GUCY2F: variants seen among roughly 807,000 people sequenced by gnomAD.
GUCY2F encodes the protein retinal guanylyl cyclase 2.
GUCY2F carries 61 observed loss-of-function variants against 73.1 expected under a neutral mutation model. The observed-to-expected ratio is 0.83, with a 90% CI of 0.68 to 1.03. The LOEUF (loss-of-function observed/expected upper bound fraction) is 1.03, where lower values mean the gene tolerates loss of function less well. Ranked by LOEUF, GUCY2F falls within the 50% of genes least tolerant of loss-of-function variation. The probability of loss-of-function intolerance (pLI) is 0.00; values close to 1 mark genes in which losing one functional copy is unlikely to be tolerated. For missense variants in GUCY2F, 912 were observed against 854.3 expected, an observed-to-expected ratio of 1.07 and a Z score of -0.84; for synonymous variants, 331 against 307.8, an observed-to-expected ratio of 1.08 and a Z score of -0.79.
intron 8 of GUCY2F, among the ~76,000 whole-genome samples, chrX:109,410,650 AGTAATCCAACAATT>A (rs771537700): frequency 3.2e-4 from 36 of 112,746 alleles, no homozygotes; most frequent in Non-Finnish European, 5.4e-4. Context: ...GTGATAAGCA[AGTAATCCAACAATT>A]GTATTTTGTT....
At position 109,385,032 on chromosome X, in the gene GUCY2F, G is replaced by A. The variant is rs190347184; in HGVS notation, c.3055+152C>T. On this transcript the variant is annotated intron_variant, in intron 16 of 19. Coordinates refer to ENST00000218006, the MANE Select transcript of GUCY2F (RefSeq NM_001522.3). ...TTGCCATTAGAGACCAGGAAAATCC[G>A]TGATAAATCTTAATCTTCTCAAATT... The A allele has an allele frequency of 8.0e-4, 296 of 370,412 alleles. 1 individual carries two copies. Among genetic ancestry groups the A allele is most frequent in the African/African-American group, 6.5e-3 (246 of 37,885 alleles). The allele number at this position is 370,412 out of a possible 1,213,427, so 30.5% of individuals were successfully genotyped here.
intron 15 of GUCY2F, 22 bp downstream of exon 15, chrX:109,388,467 T>C (rs1930487035): frequency 1.7e-6 from 2 of 1,146,506 alleles, no homozygotes; most frequent in Non-Finnish European, 2.4e-6. Flanking sequence ...GAATGTTTCC[T>C]CTTACTTTAA....
intron 1 of GUCY2F, among the ~76,000 whole-genome samples, chrX:109,480,995 A>G (rs1409800947): frequency 9.9e-6 from 1 of 100,843 alleles, no homozygotes; most frequent in East Asian, 3.2e-4. Flanking sequence ...GGAGGGAAGA[A>G]GAGAAAGAAG....
intron 1 of GUCY2F, among the ~76,000 whole-genome samples, chrX:109,480,184 G>A (rs909272642): frequency 9.0e-6 from 1 of 111,713 alleles, no homozygotes; most frequent in Non-Finnish European, 1.9e-5. Context: ...AAGGGGTAAA[G>A]TTTGTCTTCA....
chrX:109,473,251 T>A (rs959851200), intron 2 of GUCY2F, among the ~76,000 whole-genome samples: 1 of 112,017 alleles, frequency 8.9e-6, no homozygotes, highest in African/African-American at 3.3e-5. Flanking sequence ...GTTTGCTCCA[T>A]AACCATCCTC....
In GUCY2F at chrX:109,475,850, A is replaced by T. The variant is rs200720367; in HGVS notation, c.87T>A (p.Ser29=). The T allele has an allele frequency of 3.3e-6, 4 of 1,208,903 alleles. No individual in the cohort carries two copies. In the East Asian group the frequency reaches 1.2e-4, roughly 36 times the overall value. The change falls in exon 2 of 20, where the codon TCT becomes TCA. Residue 29 remains serine, a synonymous_variant. Coordinates refer to ENST00000218006, the MANE Select transcript of GUCY2F (RefSeq NM_001522.3). ...GGCACAAGCACCACAGGAACTTGGC[A>T]GATGCAAGGCCATGGTGTCCCAGCA... ...RKLLGHHGLA[S]AKFLWCLCLL...
At chrX:109,452,632 T>A (rs1932158783) in intron 4 of GUCY2F, among the ~76,000 whole-genome samples, 1 of 112,222 alleles carries the variant, frequency 8.9e-6, no homozygotes, top group Middle Eastern at 4.6e-3. Flanking sequence ...CCATAAAATC[T>A]AAATATTTGG....
chrX:109,403,968 G>A (rs767236845), intron 10 of GUCY2F, among the ~76,000 whole-genome samples: 149 of 112,209 alleles, frequency 1.3e-3, no homozygotes, highest in Non-Finnish European at 2.1e-3. Flanking sequence ...TAAAATGTAC[G>A]TTGTGGGGGT....
Position 109,404,397 on chromosome X carries a change from C to CT in GUCY2F, c.2055dup (p.Val686SerfsTer7). ...ATGTCGTTAAAGCCATAATCTGTCA[C>CT]TTTTAGTACAAAACGCCCATCTACC... On this transcript the variant is annotated frameshift_variant, in exon 10 of 20. Coordinates refer to ENST00000218006, the MANE Select transcript of GUCY2F (RefSeq NM_001522.3). LOFTEE classifies it high-confidence loss of function. The CT allele has an allele frequency of 1.7e-6, 2 of 1,190,048 alleles. No individual in the cohort carries two copies. Among genetic ancestry groups the CT allele is most frequent in the Non-Finnish European group, 2.3e-6 (2 of 875,608 alleles).
intron 3 of GUCY2F, among the ~76,000 whole-genome samples, chrX:109,454,128 C>T (rs1440078992): frequency 9.0e-6 from 1 of 111,392 alleles, no homozygotes; most frequent in African/African-American, 3.3e-5. Context: ...TATTTTTATG[C>T]TCCTAAACTA....
intron 8 of GUCY2F, among the ~76,000 whole-genome samples, chrX:109,409,602 A>T (rs756146724): frequency 9.0e-6 from 1 of 111,207 alleles, no homozygotes; most frequent in East Asian, 2.8e-4. Flanking sequence ...CTGTGTCCCC[A>T]CCCAAATCTC....
At chrX:109,413,829 C>T (rs1931172176) in intron 8 of GUCY2F, among the ~76,000 whole-genome samples, 1 of 111,874 alleles carries the variant, frequency 8.9e-6, no homozygotes, top group Non-Finnish European at 1.9e-5. Context: ...TCCACAGCAG[C>T]TGAAATCCCA....
At chrX:109,429,212 G>A (rs1306259470) in intron 8 of GUCY2F, among the ~76,000 whole-genome samples, 1 of 111,301 alleles carries the variant, frequency 9.0e-6, no homozygotes, top group African/African-American at 3.3e-5. Flanking sequence ...AGGAGTTCGA[G>A]ACCAGCCTGA....
At position 109,420,172 on chromosome X, in the gene GUCY2F, T is replaced by C. The variant is rs183148719; in HGVS notation, c.1791+10135A>G. ...ACAAAAAGTAATTCAAAATGGATCA[T>C]AGGCCTAAACCCAGAATCTTGGACT... On this transcript the variant is annotated intron_variant, in intron 8 of 19. Coordinates refer to ENST00000218006, the MANE Select transcript of GUCY2F (RefSeq NM_001522.3). Among the ~76,000 whole-genome samples the C allele has an allele frequency of 4.2e-3, 405 of 96,214 alleles. 1 individual carries two copies. The highest frequency in any genetic ancestry group is 7.3e-3 in the Non-Finnish European group (356 of 48,939). The allele number at this position is 96,214 out of a possible 115,157, so 83.6% of individuals were successfully genotyped here.
At chrX:109,444,884 C>CT (rs901015376) in intron 6 of GUCY2F, among the ~76,000 whole-genome samples, 3 of 111,235 alleles carry the variant, frequency 2.7e-5, no homozygotes, top group Admixed American at 9.5e-5. Flanking sequence ...AAAATTCTGG[C>CT]TTTTTTTTAA....
Position 109,452,031 on chromosome X carries a change from G to A in GUCY2F, c.1464C>T (p.Tyr488=). Residue 488 remains tyrosine, a synonymous_variant, in exon 5 of 20, where the codon TAC becomes TAT. Coordinates refer to ENST00000218006, the MANE Select transcript of GUCY2F (RefSeq NM_001522.3). ...IALLSINGFA[Y]FIRRRINKIQ... ...AATAACAAAAAATGTACCTTATAAAGTAAGCAAATCCATTAATAGACAGCA... is the reference window on the plus strand; with the variant it reads ...AATAACAAAAAATGTACCTTATAAAATAAGCAAATCCATTAATAGACAGCA... 1 of 1,022,329 alleles carries A rather than the reference G, an allele frequency of 9.8e-7. No homozygotes were observed. The allele number at this position is 1,022,329 out of a possible 1,213,427, so 84.3% of individuals were successfully genotyped here.
chrX:109,452,226 T>C, intron 4 of GUCY2F, 119 bp from the exon 5 acceptor site: 1 of 492,027 alleles, frequency 2.0e-6, no homozygotes, highest in South Asian at 3.2e-5. Flanking sequence ...CACATCTACC[T>C]AACCTAATTC....
chrX:109,387,966 A>G (rs753902991), intron 15 of GUCY2F, among the ~76,000 whole-genome samples: 2 of 111,080 alleles, frequency 1.8e-5, no homozygotes, highest in Non-Finnish European at 3.8e-5. Context: ...CAAAGGGGCT[A>G]AGGAGGGAGT....
At chrX:109,472,398 G>A (rs1932593155) in intron 2 of GUCY2F, among the ~76,000 whole-genome samples, 1 of 111,628 alleles carries the variant, frequency 9.0e-6, no homozygotes, top group African/African-American at 3.3e-5. Flanking sequence ...TTGCTTGGGG[G>A]TCCACAGTGT....
Sources: gnomAD v4.1 joint callset for allele counts (sites outside exome capture counted in the v4.1 genomes callset) on GRCh38, gnomAD v4.1.1 for gene constraint, MANE v1.5 for transcripts, NCBI Gene and HGNC (gene_info 2026-07-23, HGNC 2026-07-21) for gene names.